Variants in SAXO1 observed in about 807,000 individuals in gnomAD.
SAXO1 encodes the protein 4930500O09Rik.
A neutral mutation model predicts 17.5 loss-of-function variants in SAXO1; 21 were observed. That is an observed-to-expected ratio of 1.20 (90% CI 0.85 to 1.72). The LOEUF (loss-of-function observed/expected upper bound fraction) is 1.72, where lower values mean the gene tolerates loss of function less well. Ranked by LOEUF, SAXO1 falls within the 40% of genes most tolerant of loss-of-function variation. The pLI is 0.00. For synonymous variants in SAXO1, 274 were observed against 216.5 expected (o/e 1.27, Z -2.33); for missense variants, 843 against 596.0 (o/e 1.41, Z -4.32).
chr9:19,014,461 A>AAAAAAAAC, intron 1 of SAXO1, among the ~76,000 whole-genome samples: 1 of 36,558 alleles, frequency 2.7e-5, no homozygotes, highest in Non-Finnish European at 9.0e-5. Flanking sequence ...ACTGTGTCTC[A>AAAAAAAAC]AAAAAAAAAA....
chr9:18,975,976 C>T lies in SAXO1; in HGVS notation c.39-25039G>A, dbSNP rs376051286. Among the ~76,000 whole-genome samples the T allele has an allele frequency of 4.6e-5, 7 of 152,308 alleles. No individual in the cohort carries two copies. The South Asian group carries it at 1.5e-3, about 32-fold the overall frequency. ...CTACAGCAGTACTTTAGCACCTCGG[C>T]ACTACTAGACTACTTATCATTCCCT... On this transcript the variant is annotated intron_variant, in intron 1 of 3. Coordinates refer to ENST00000380534, the MANE Select transcript of SAXO1 (RefSeq NM_153707.4).
chr9:19,035,957 T>G (rs1835923902), upstream of SAXO1, among the ~76,000 whole-genome samples: 1 of 152,154 alleles, frequency 6.6e-6, no homozygotes, highest in African/African-American at 2.4e-5. Flanking sequence ...ATTTGCATCC[T>G]GACAATGCAA....
chr9:19,037,508 A>G (rs943049991), upstream of SAXO1, among the ~76,000 whole-genome samples: 3 of 152,186 alleles, frequency 2.0e-5, no homozygotes, highest in Non-Finnish European at 2.9e-5. Flanking sequence ...AAGTCTCACA[A>G]GTTCTGATGG....
At chr9:19,020,907 T>C (rs951123100) in intron 1 of SAXO1, among the ~76,000 whole-genome samples, 1 of 152,242 alleles carries the variant, frequency 6.6e-6, no homozygotes, top group Non-Finnish European at 1.5e-5. Context: ...GCCTGCTTGT[T>C]CAATGACCTG....
intron 1 of SAXO1, among the ~76,000 whole-genome samples, chr9:18,966,875 T>A (rs540071709): frequency 3.3e-5 from 5 of 152,234 alleles, no homozygotes; most frequent in African/African-American, 1.2e-4. Context: ...CTTACCTTCG[T>A]GGATTTATCT....
Position 19,032,926 on chromosome 9 carries a change from C to T in SAXO1, c.-18G>A. On this transcript the variant is annotated 5_prime_UTR_variant, in exon 1 of 4. Coordinates refer to ENST00000380534, the MANE Select transcript of SAXO1 (RefSeq NM_153707.4). ...GTCTTCATAGGGGCGATCCTGAGGC[C>T]CTGACGTCCCCTCAGAGCATCGCCA... is the stretch of plus-strand genomic sequence containing the variant. The T allele has an allele frequency of 2.5e-6, 4 of 1,605,348 alleles. No homozygotes were observed. Among genetic ancestry groups the T allele is most frequent in the Non-Finnish European group, 3.4e-6 (4 of 1,178,306 alleles).
chr9:18,993,874 A>T (rs1027078908), intron 1 of SAXO1, among the ~76,000 whole-genome samples: 3 of 152,168 alleles, frequency 2.0e-5, no homozygotes, highest in Non-Finnish European at 2.9e-5. Flanking sequence ...AGGGAGGGGG[A>T]TAAGTCCAGA....
intron 3 of SAXO1, among the ~76,000 whole-genome samples, chr9:18,932,695 T>C (rs12348684): frequency 0.012 from 1,873 of 152,322 alleles, 42 homozygotes; most frequent in African/African-American, 0.042. Flanking sequence ...TTTGTTCAGA[T>C]TTTAATTTCT....
intron 1 of SAXO1, among the ~76,000 whole-genome samples, chr9:19,015,779 A>G (rs908664485): frequency 1.3e-5 from 2 of 151,976 alleles, no homozygotes; most frequent in African/African-American, 4.8e-5. Flanking sequence ...GCACCCAGAC[A>G]TATCTCTTCT....
chr9:19,011,318 C>T (rs1330847192), intron 1 of SAXO1, among the ~76,000 whole-genome samples: 1 of 152,158 alleles, frequency 6.6e-6, no homozygotes, highest in African/African-American at 2.4e-5. Flanking sequence ...ACGAGGGAGG[C>T]AAGAATGGGC....
At chr9:18,949,208 C>T (rs914626817) in intron 2 of SAXO1, among the ~76,000 whole-genome samples, 1 of 152,230 alleles carries the variant, frequency 6.6e-6, no homozygotes, top group Admixed American at 6.5e-5. Flanking sequence ...CACACAAACA[C>T]TGCACTTAAA....
intron 1 of SAXO1, among the ~76,000 whole-genome samples, chr9:19,044,090 T>G (rs1836145747): frequency 1.3e-5 from 2 of 150,780 alleles, no homozygotes; most frequent in African/African-American, 4.9e-5. Context: ...GGCTGCAGTG[T>G]GTCATGCCAC....
At chr9:19,040,432 C>T (rs1361965797) in intron 1 of SAXO1, among the ~76,000 whole-genome samples, 3 of 152,116 alleles carry the variant, frequency 2.0e-5, no homozygotes, top group Middle Eastern at 3.4e-3. Context: ...CACTTGAGGC[C>T]AGGAGTTCGA....
At chr9:19,046,129 C>T (rs1228873280) in intron 1 of SAXO1, among the ~76,000 whole-genome samples, 1 of 116,094 alleles carries the variant, frequency 8.6e-6, no homozygotes, top group Non-Finnish European at 1.9e-5. Context: ...AACATACAAA[C>T]AAAAGAAACT....
intron 3 of SAXO1, among the ~76,000 whole-genome samples, chr9:18,936,364 C>A (rs946567040): frequency 6.6e-6 from 1 of 152,128 alleles, no homozygotes; most frequent in Non-Finnish European, 1.5e-5. Context: ...CCTGCCCACC[C>A]CGGCCCCCAG....
At chr9:18,986,708 A>T (rs900744796) in intron 1 of SAXO1, among the ~76,000 whole-genome samples, 4 of 152,216 alleles carry the variant, frequency 2.6e-5, no homozygotes, top group African/African-American at 9.6e-5. Flanking sequence ...AAGATTCAAT[A>T]GTAGGAAGCA....
chr9:19,035,754 T>C (rs1050009149), upstream of SAXO1, among the ~76,000 whole-genome samples: 4 of 152,216 alleles, frequency 2.6e-5, no homozygotes, highest in Non-Finnish European at 2.9e-5. Flanking sequence ...AAGGTGATTC[T>C]TGTTATGTTT....
chr9:18,964,301 G>A (rs2030859094), intron 1 of SAXO1, among the ~76,000 whole-genome samples: 1 of 152,174 alleles, frequency 6.6e-6, no homozygotes, highest in African/African-American at 2.4e-5. Flanking sequence ...GAATTAGGGA[G>A]GAGTCCCTCT....
At chr9:18,990,595 C>T (rs1355400035) in intron 1 of SAXO1, among the ~76,000 whole-genome samples, 1 of 152,138 alleles carries the variant, frequency 6.6e-6, no homozygotes. Context: ...ACCCCTGGGC[C>T]ATGGACCAGT....
Sources: gnomAD v4.1 joint callset for allele counts (sites outside exome capture counted in the v4.1 genomes callset) on GRCh38, gnomAD v4.1.1 for gene constraint, MANE v1.5 for transcripts, NCBI Gene and HGNC (gene_info 2026-07-23, HGNC 2026-07-21) for gene names.